ACAP2: variants seen among roughly 807,000 people sequenced by gnomAD.
ACAP2 encodes the protein arf-GAP with coiled-coil, ANK repeat and PH domain-containing protein 2.
ACAP2 carries 39 observed loss-of-function variants against 115.8 expected under a neutral mutation model. The observed-to-expected ratio is 0.34, with a 90% CI of 0.26 to 0.44. The LOEUF (loss-of-function observed/expected upper bound fraction) is 0.44, where lower values mean the gene tolerates loss of function less well. ACAP2 is among the 20% of genes least tolerant of loss of function. The pLI is 1.00. For missense variants in ACAP2, 662 were observed against 927.6 expected (o/e 0.71, Z 3.72); for synonymous variants, 289 against 315.8 (o/e 0.92, Z 0.90).
At position 195,344,679 on chromosome 3, in the gene ACAP2, C is replaced by A. The variant is rs554229295; in HGVS notation, c.344+580G>T. ...GGGATTACAGGCATGCACCACCCCG[C>A]CCCGCTAATTTTGTATTTTTAGTAG... On this transcript the variant is annotated intron_variant, in intron 5 of 22. Transcript: ENST00000326793. 2.0e-5 allele frequency among the ~76,000 whole-genome samples: 3 copies of A among 152,286 alleles called. No individual in the cohort carries two copies. In the East Asian group the frequency reaches 5.8e-4, roughly 29 times the overall value.
At position 195,278,816 on chromosome 3, in the gene ACAP2, G is replaced by A. The variant is rs912891883; in HGVS notation, c.*512C>T. ...CTAGTTCTAATAAATCATATATTAT[G>A]TGTATGAAAGCTAGGTTACCAAAAA... On this transcript the variant is annotated 3_prime_UTR_variant, in exon 23 of 23. Transcript: ENST00000326793. 6.6e-6 allele frequency: 1 copy of A among 152,552 alleles called. No individual in the cohort carries two copies. Among genetic ancestry groups the A allele is most frequent in the East Asian group, 1.9e-4 (1 of 5,204 alleles). 9.4% of individuals were successfully genotyped at this position (152,552 alleles called of 1,614,324 possible). A position where few individuals can be genotyped will look rare whatever the true frequency, so the allele number is the denominator to read the frequency against.
intron 1 of ACAP2, among the ~76,000 whole-genome samples, chr3:195,404,284 G>A (rs568968570): frequency 6.6e-6 from 1 of 152,298 alleles, no homozygotes; most frequent in African/African-American, 2.4e-5. Context: ...GGTCAAACAA[G>A]AGGACTAAGA....
chr3:195,350,611 T>C (rs1731494313), intron 4 of ACAP2, among the ~76,000 whole-genome samples: 1 of 148,606 alleles, frequency 6.7e-6, no homozygotes, highest in South Asian at 2.1e-4. Context: ...TTCATTTCAC[T>C]GCACTCTAGC....
chr3:195,341,866 T>C lies in ACAP2; in HGVS notation c.528+605A>G, dbSNP rs1047374982. Among the ~76,000 whole-genome samples, 6 of 152,298 alleles carry C rather than the reference T, an allele frequency of 3.9e-5. No homozygotes were observed. In the South Asian group the frequency reaches 6.2e-4, roughly 16 times the overall value. ...CAACTTAGAAGGAACTAGGGGCCCT[T>C]ATCCTAAAGGAAGTAACACAGGAAC... On this transcript the variant is annotated intron_variant, in intron 6 of 22. Transcript: ENST00000326793.
At chr3:195,390,816 A>G (rs1428105860) in intron 2 of ACAP2, among the ~76,000 whole-genome samples, 1 of 152,236 alleles carries the variant, frequency 6.6e-6, no homozygotes, top group African/African-American at 2.4e-5. Context: ...TATTTCAAAT[A>G]TATACATCTG....
rs1560379524 is a variant in ACAP2, at chr3:195,442,911, G to A, written c.-64C>T. 4.9e-6 allele frequency: 7 copies of A among 1,425,186 alleles called. No homozygotes were observed. Among genetic ancestry groups the A allele is most frequent in the South Asian group, 1.3e-5 (1 of 74,112 alleles). 88.3% of individuals were successfully genotyped at this position (1,425,186 alleles called of 1,614,324 possible). Reference sequence around the variant, plus strand: ...GGGGCCGCGGGAGCGGCCGCGCTGGGACGCAGACGGCTACGGCGGGCGCAC... The same window carrying A: ...GGGGCCGCGGGAGCGGCCGCGCTGGAACGCAGACGGCTACGGCGGGCGCAC... On this transcript the variant is annotated 5_prime_UTR_variant, in exon 1 of 23. Transcript: ENST00000326793.
chr3:195,381,211 G>A (rs898559104), intron 3 of ACAP2, 149 bp from the exon 4 acceptor site: 2 of 633,908 alleles, frequency 3.2e-6, no homozygotes, highest in Non-Finnish European at 2.8e-6. Context: ...ACTACCTTAT[G>A]GGTACACTCT....
Position 195,297,286 on chromosome 3 carries a change from T to C in ACAP2, c.1396-5A>G. ...ATTCCCCAACTCACACATAAGCTGT[T>C]TGGCAAAAAAAAATAGAAAAATAAG... On this transcript the variant is annotated splice_region_variant and splice_polypyrimidine_tract_variant and intron_variant, in intron 15 of 22. Coordinates refer to ENST00000326793, the MANE Select transcript of ACAP2 (RefSeq NM_012287.6). The C allele has an allele frequency of 6.2e-7, 1 of 1,603,206 alleles. No individual in the cohort carries two copies. The highest frequency in any genetic ancestry group is 8.5e-7 in the Non-Finnish European group (1 of 1,177,064).
chr3:195,385,962 T>C (rs1037993792), intron 2 of ACAP2, among the ~76,000 whole-genome samples: 9 of 152,174 alleles, frequency 5.9e-5, no homozygotes, highest in African/African-American at 1.9e-4. Context: ...AGCAGCATTA[T>C]TTACAACAGC....
intron 1 of ACAP2, among the ~76,000 whole-genome samples, chr3:195,411,177 T>C (rs1396466673): frequency 3.3e-5 from 5 of 152,176 alleles, no homozygotes; most frequent in South Asian, 2.1e-4. Context: ...TCCGCACTGT[T>C]GGTGGGAATG....
At chr3:195,345,716 C>T (rs775938752) in intron 4 of ACAP2, among the ~76,000 whole-genome samples, 6 of 152,112 alleles carry the variant, frequency 3.9e-5, no homozygotes, top group Non-Finnish European at 2.9e-5. Flanking sequence ...GCTCCAGAAA[C>T]GCCATATACC....
chr3:195,288,810 G>A (rs1195145156), intron 21 of ACAP2, among the ~76,000 whole-genome samples: 1 of 152,036 alleles, frequency 6.6e-6, no homozygotes, highest in Non-Finnish European at 1.5e-5. Context: ...GGGAGCCGGT[G>A]CACTCCACTC....
intron 1 of ACAP2, among the ~76,000 whole-genome samples, chr3:195,402,399 A>G (rs1411028936): frequency 1.3e-5 from 2 of 152,180 alleles, no homozygotes; most frequent in Non-Finnish European, 2.9e-5. Context: ...GTCTCCAGAA[A>G]AAAATAAAAG....
At chr3:195,400,559 C>T (rs988675010) in intron 1 of ACAP2, among the ~76,000 whole-genome samples, 3 of 151,348 alleles carry the variant, frequency 2.0e-5, no homozygotes, top group African/African-American at 7.3e-5. Flanking sequence ...CAAAATCATT[C>T]CATTTCCAAG....
chr3:195,292,523 T>C lies in ACAP2; in HGVS notation c.1766-71A>G, dbSNP rs530248344. Reference sequence around the variant, plus strand: ...GAAAAAGAAAAAATTATTTAATAGGTAGAGTTTCAGTTTTGCAAGATAAAA... The same window carrying C: ...GAAAAAGAAAAAATTATTTAATAGGCAGAGTTTCAGTTTTGCAAGATAAAA... On this transcript the variant is annotated intron_variant, in intron 18 of 22. Transcript: ENST00000326793. 1.3e-5 allele frequency: 19 copies of C among 1,433,558 alleles called. No homozygotes were observed. The African/African-American group carries it at 2.4e-4, about 18-fold the overall frequency. The allele number at this position is 1,433,558 out of a possible 1,614,324, so 88.8% of individuals were successfully genotyped here. A position where few individuals can be genotyped will look rare whatever the true frequency, so the allele number is the denominator to read the frequency against.
At chr3:195,344,408 T>G (rs1356161773) in intron 5 of ACAP2, among the ~76,000 whole-genome samples, 2 of 152,144 alleles carry the variant, frequency 1.3e-5, no homozygotes, top group Non-Finnish European at 2.9e-5. Flanking sequence ...GTATTATTAA[T>G]GTGAAAAAGA....
At chr3:195,283,359 T>C (rs1346358889) in intron 22 of ACAP2, among the ~76,000 whole-genome samples, 1 of 152,194 alleles carries the variant, frequency 6.6e-6, no homozygotes, top group Non-Finnish European at 1.5e-5. Context: ...GTTGTACAGA[T>C]AGAAAGTTCA....
At chr3:195,409,879 C>CAA (rs59779977) in intron 1 of ACAP2, among the ~76,000 whole-genome samples, 15 of 56,992 alleles carry the variant, frequency 2.6e-4, no homozygotes, top group African/African-American at 1.1e-3. Context: ...GACTCCATCT[C>CAA]AAAAAAAAAA....
intron 1 of ACAP2, among the ~76,000 whole-genome samples, chr3:195,435,164 A>AG (rs35984083): frequency 1 from 151,404 of 151,754 alleles, 75,530 homozygotes; most frequent in East Asian, 1. Flanking sequence ...GGTGAAGATT[A>AG]GCTACTATTT....
Sources: allele counts gnomAD v4.1 joint callset (sites outside exome capture counted in the v4.1 genomes callset), GRCh38; gene constraint gnomAD v4.1.1; transcripts MANE v1.5; gene names NCBI Gene and HGNC (gene_info 2026-07-23, HGNC 2026-07-21).